RBFOX1: variants seen among roughly 807,000 people sequenced by gnomAD.
The protein encoded by RBFOX1 is RNA binding fox-1 homolog 1.
Under a neutral mutation model 57.7 loss-of-function variants are expected in RBFOX1, and 8 were observed. The ratio of observed to expected loss-of-function variants is 0.14; its 90% CI spans 0.08 to 0.25. RBFOX1 has a LOEUF of 0.25. Ranked by LOEUF, RBFOX1 falls within the 10% of genes least tolerant of loss-of-function variation. The pLI is 1.00. For missense variants in RBFOX1, 611 were observed against 548.5 expected (o/e 1.11, Z -1.14); for synonymous variants, 326 against 222.4 (o/e 1.47, Z -4.15).
intron 1 of RBFOX1, among the ~76,000 whole-genome samples, chr16:5,255,322 T>TTCCATCCA (rs3041858): frequency 0.023 from 2,801 of 119,440 alleles, 87 homozygotes; most frequent in Admixed American, 0.095. Flanking sequence ...CCACACTTCC[T>TTCCATCCA]TCCATCCATC....
intron 1 of RBFOX1, among the ~76,000 whole-genome samples, chr16:6,232,516 C>T (rs1279808375): frequency 6.6e-6 from 1 of 152,114 alleles, no homozygotes; most frequent in Non-Finnish European, 1.5e-5. Flanking sequence ...TATGTGTGAT[C>T]GTTTCTGCTC....
chr16:5,858,412 T>G (rs1033200362), intron 3 of RBFOX1, among the ~76,000 whole-genome samples: 3 of 152,184 alleles, frequency 2.0e-5, no homozygotes, highest in Admixed American at 2.0e-4. Flanking sequence ...TGTGACTGCT[T>G]TAACCTTCCT....
chr16:5,854,783 T>G (rs2056983468), intron 3 of RBFOX1, among the ~76,000 whole-genome samples: 1 of 152,110 alleles, frequency 6.6e-6, no homozygotes, highest in Admixed American at 6.6e-5. Context: ...TAGTTCTAGT[T>G]TTTTTTTGGA....
intron 1 of RBFOX1, among the ~76,000 whole-genome samples, chr16:6,061,499 A>T (rs1261439223): frequency 6.6e-6 from 1 of 151,754 alleles, no homozygotes; most frequent in Non-Finnish European, 1.5e-5. Flanking sequence ...ATATAATGGT[A>T]ATATAGTATA....
intron 3 of RBFOX1, among the ~76,000 whole-genome samples, chr16:6,990,142 C>T (rs773492762): frequency 1.3e-5 from 2 of 152,190 alleles, no homozygotes; most frequent in Admixed American, 6.5e-5. Context: ...ACGTGCCCAA[C>T]ACACAGTAGG....
At chr16:7,262,263 G>T (rs1476267096) in intron 4 of RBFOX1, among the ~76,000 whole-genome samples, 6 of 151,574 alleles carry the variant, frequency 4.0e-5, no homozygotes, top group African/African-American at 1.5e-4. Flanking sequence ...TATGGTTGCT[G>T]TTGTTAAATC....
chr16:5,973,725 AT>A (rs1269652926), intron 4 of RBFOX1, among the ~76,000 whole-genome samples: 1 of 152,144 alleles, frequency 6.6e-6, no homozygotes, highest in Non-Finnish European at 1.5e-5. Flanking sequence ...TAATACATTT[AT>A]TTGTTTATTC....
intron 1 of RBFOX1, among the ~76,000 whole-genome samples, chr16:6,161,876 T>C (rs763885794): frequency 6.6e-6 from 1 of 152,214 alleles, no homozygotes; most frequent in Admixed American, 6.5e-5. Context: ...TTTGAGTAGG[T>C]TGAACCAAAG....
chr16:5,290,609 C>A (rs1226106168), intron 1 of RBFOX1, among the ~76,000 whole-genome samples: 1 of 151,808 alleles, frequency 6.6e-6, no homozygotes, highest in Non-Finnish European at 1.5e-5. Flanking sequence ...TAAGGAGAGG[C>A]CTAGGGGGTG....
intron 1 of RBFOX1, among the ~76,000 whole-genome samples, chr16:6,172,491 T>A (rs1205062421): frequency 6.6e-6 from 1 of 152,160 alleles, no homozygotes; most frequent in African/African-American, 2.4e-5. Context: ...ATTGCCCCTG[T>A]GGCCCCCTGT....
intron 3 of RBFOX1, among the ~76,000 whole-genome samples, chr16:6,842,838 C>T: frequency 6.6e-6 from 1 of 152,008 alleles, no homozygotes; most frequent in East Asian, 1.9e-4. Flanking sequence ...AACCCCCTGA[C>T]AGGCCCCGGT....
chr16:7,076,027 C>T (rs1443066207), intron 4 of RBFOX1, among the ~76,000 whole-genome samples: 1 of 151,526 alleles, frequency 6.6e-6, no homozygotes, highest in Non-Finnish European at 1.5e-5. Context: ...TATTTATCCT[C>T]ACACTTGGGC....
At chr16:5,240,475 G>C (rs1361439077) in intron 1 of RBFOX1, among the ~76,000 whole-genome samples, 1 of 152,154 alleles carries the variant, frequency 6.6e-6, no homozygotes, top group African/African-American at 2.4e-5. Context: ...GGTCCCACCT[G>C]GCGGGGGGCT....
intron 3 of RBFOX1, among the ~76,000 whole-genome samples, chr16:6,753,844 T>C (rs2192347): frequency 0.45 from 68,545 of 151,894 alleles, 15,943 homozygotes; most frequent in South Asian, 0.51. Context: ...TGAGGGATTT[T>C]TGCCGAGCTG....
At chr16:7,303,699 A>C (rs1042125184) in intron 4 of RBFOX1, among the ~76,000 whole-genome samples, 1 of 152,032 alleles carries the variant, frequency 6.6e-6, no homozygotes, top group Non-Finnish European at 1.5e-5. Flanking sequence ...AGTGAGCTTC[A>C]GTGTGAGTCA....
intron 3 of RBFOX1, among the ~76,000 whole-genome samples, chr16:5,836,722 C>A (rs2056470040): frequency 6.6e-6 from 1 of 152,148 alleles, no homozygotes; most frequent in Admixed American, 6.5e-5. Flanking sequence ...GCATCCCTGG[C>A]CTCTACCCAC....
chr16:7,428,616 C>T (rs952747021), intron 4 of RBFOX1, among the ~76,000 whole-genome samples: 2 of 151,250 alleles, frequency 1.3e-5, no homozygotes, highest in Admixed American at 1.3e-4. Context: ...GGTGATCCAC[C>T]TGCCTTGGCC....
At chr16:6,746,087 C>G (rs1009441049) in intron 3 of RBFOX1, among the ~76,000 whole-genome samples, 1 of 152,102 alleles carries the variant, frequency 6.6e-6, no homozygotes, top group Non-Finnish European at 1.5e-5. Context: ...GTCCTATACC[C>G]TTAAAACTAC....
chr16:7,377,048 G>C (rs1357348673), intron 4 of RBFOX1, among the ~76,000 whole-genome samples: 1 of 152,186 alleles, frequency 6.6e-6, no homozygotes, highest in Non-Finnish European at 1.5e-5. Flanking sequence ...AAAACTGATG[G>C]AAGGTATAAA....
Sources: gnomAD v4.1 joint callset for allele counts (sites outside exome capture counted in the v4.1 genomes callset) on GRCh38, gnomAD v4.1.1 for gene constraint, MANE v1.5 for transcripts, NCBI Gene and HGNC (gene_info 2026-07-23, HGNC 2026-07-21) for gene names.